The following COL5A1 variants were observed in gnomAD, a reference collection of about 807,000 sequenced individuals.
The protein encoded by COL5A1 is collagen type V alpha 1 chain.
Under a neutral mutation model 263.7 loss-of-function variants are expected in COL5A1, and 16 were observed. That is an observed-to-expected ratio of 0.06 (90% confidence interval 0.04 to 0.09). The LOEUF is 0.09. COL5A1 is among the 10% of genes least tolerant of loss of function. The pLI is 1.00. For synonymous variants in COL5A1, 1,012 were observed against 1,004.5 expected (o/e 1.01, Z -0.14); for missense variants, 2,036 against 2,540.5 (o/e 0.80, Z 4.27).
chr9:134,763,327 G>A (rs12379066), intron 19 of COL5A1, among the ~76,000 whole-genome samples: 24,589 of 152,258 alleles, frequency 0.16, 2,129 homozygotes, highest in Non-Finnish European at 0.2. Context: ...TCCCCAGAGG[G>A]TGGCCCAGGG....
chr9:134,683,220 TC>T (rs1375804932), intron 1 of COL5A1, among the ~76,000 whole-genome samples: 1 of 152,158 alleles, frequency 6.6e-6, no homozygotes, highest in African/African-American at 2.4e-5. Flanking sequence ...AGGCTACAGG[TC>T]CCCTGGCTGC....
chr9:134,673,321 C>A (rs1368769316), intron 1 of COL5A1, among the ~76,000 whole-genome samples: 1 of 151,990 alleles, frequency 6.6e-6, no homozygotes, highest in Non-Finnish European at 1.5e-5. Flanking sequence ...ACATATAGAC[C>A]AATGGAATAG....
intron 5 of COL5A1, among the ~76,000 whole-genome samples, chr9:134,728,246 A>G (rs3109685): frequency 0.4 from 61,210 of 152,156 alleles, 13,537 homozygotes; most frequent in Admixed American, 0.58. Flanking sequence ...GGCTCAGGAC[A>G]AGGCCTACTC....
intron 63 of COL5A1, among the ~76,000 whole-genome samples, chr9:134,829,427 G>A (rs779740730): frequency 3.6e-5 from 4 of 112,236 alleles, no homozygotes; most frequent in African/African-American, 1.8e-4. Context: ...CGGTCTCCCT[G>A]AGGGCTGGGG....
At chr9:134,839,477 G>A (rs1839953220) in intron 65 of COL5A1, among the ~76,000 whole-genome samples, 1 of 152,226 alleles carries the variant, frequency 6.6e-6, no homozygotes, top group Admixed American at 6.5e-5. Flanking sequence ...TCGCTGAGAA[G>A]GGCTGTGACC....
At chr9:134,801,431 C>T (rs931746351) in intron 37 of COL5A1, among the ~76,000 whole-genome samples, 2 of 152,186 alleles carry the variant, frequency 1.3e-5, no homozygotes, top group African/African-American at 2.4e-5. Context: ...CGAATCGCGT[C>T]GGCCTAAAGA....
intron 39 of COL5A1, among the ~76,000 whole-genome samples, chr9:134,804,083 A>G (rs1166169495): frequency 2.0e-5 from 3 of 152,232 alleles, no homozygotes; most frequent in East Asian, 3.9e-4. Context: ...CTGTAGGACC[A>G]CAGAAGAGTA....
At chr9:134,819,326 C>T (rs560899249) in intron 57 of COL5A1, among the ~76,000 whole-genome samples, 115 of 152,342 alleles carry the variant, frequency 7.5e-4, no homozygotes, top group Non-Finnish European at 1.3e-3. Flanking sequence ...ACAGAGGCCC[C>T]GGCTGATGGG....
chr9:134,802,036 G>T, intron 38 of COL5A1, 29 bp downstream of exon 38: 1 of 1,609,818 alleles, frequency 6.2e-7, no homozygotes, highest in Non-Finnish European at 8.5e-7. Flanking sequence ...AGATTCCATG[G>T]GTCACTCGGT....
intron 52 of COL5A1, 104 bp downstream of exon 52, chr9:134,816,092 A>G (rs1838733527): frequency 5.6e-6 from 6 of 1,069,624 alleles, no homozygotes; most frequent in African/African-American, 1.6e-5. Flanking sequence ...AACCTAGTTG[A>G]TATTGATTCC....
intron 2 of COL5A1, among the ~76,000 whole-genome samples, chr9:134,697,083 A>T (rs1236658707): frequency 6.6e-6 from 1 of 151,646 alleles, no homozygotes; most frequent in Non-Finnish European, 1.5e-5. Flanking sequence ...AAAAAAAAAA[A>T]TGAAAAGCTC....
chr9:134,785,456 G>A (rs528452326), intron 30 of COL5A1, among the ~76,000 whole-genome samples: 1 of 152,290 alleles, frequency 6.6e-6, no homozygotes, highest in East Asian at 1.9e-4. Flanking sequence ...TGGCCTGAAG[G>A]TGTGGCAGCC....
chr9:134,689,516 A>T (rs962431941), intron 1 of COL5A1, among the ~76,000 whole-genome samples: 4 of 152,222 alleles, frequency 2.6e-5, no homozygotes, highest in East Asian at 3.8e-4. Context: ...CTACTCAAAC[A>T]GTGTGGCCAG....
chr9:134,750,518 T>C (rs757217583), intron 11 of COL5A1, 24 bp from the exon 12 acceptor site: 47 of 1,611,454 alleles, frequency 2.9e-5, no homozygotes, highest in Non-Finnish European at 3.4e-5. Context: ...CTCTGACTTG[T>C]CTCTCTTGGC....
chr9:134,814,063 G>A (rs1399489801), intron 49 of COL5A1, 27 bp downstream of exon 49: 1 of 1,549,792 alleles, frequency 6.5e-7, no homozygotes, highest in Non-Finnish European at 8.7e-7. Context: ...TGCGGGAGGG[G>A]TGGGATATGG....
At chr9:134,726,048 G>T (rs1834637129) in intron 4 of COL5A1, among the ~76,000 whole-genome samples, 1 of 152,188 alleles carries the variant, frequency 6.6e-6, no homozygotes, top group Admixed American at 6.5e-5. Context: ...TTAACTTTTT[G>T]AGAAACCAGA....
intron 28 of COL5A1, 61 bp from the exon 29 acceptor site, chr9:134,782,606 G>GGACCGCCAGGGAGGCGGGTCCTCTT: frequency 6.6e-7 from 1 of 1,511,616 alleles, no homozygotes; most frequent in Non-Finnish European, 9.2e-7. Context: ...AGCGGGGAAG[G>GGACCGCCAGGGAGGCGGGTCCTCTT]GACCGCCAGG....
chr9:134,672,528 G>A (rs183724112), intron 1 of COL5A1, among the ~76,000 whole-genome samples: 3 of 152,096 alleles, frequency 2.0e-5, no homozygotes, highest in Admixed American at 6.6e-5. Context: ...AATAAATTAG[G>A]AATAAAAGAG....
At chr9:134,738,934 C>T (rs1314192242) in intron 11 of COL5A1, 126 bp downstream of exon 11, 8 of 783,194 alleles carry the variant, frequency 1.0e-5, no homozygotes, top group Admixed American at 1.9e-5. Context: ...CTTCAAATCC[C>T]CCCTCACCCA....
Sources: allele counts gnomAD v4.1 joint callset (sites outside exome capture counted in the v4.1 genomes callset), GRCh38; gene constraint gnomAD v4.1.1; transcripts MANE v1.5; gene names NCBI Gene and HGNC (gene_info 2026-07-23, HGNC 2026-07-21).